Variants in OTULIN observed in about 807,000 individuals in gnomAD.
The protein encoded by OTULIN is ubiquitin thioesterase otulin.
OTULIN carries 15 observed loss-of-function variants against 39.6 expected under a neutral mutation model. That is an observed-to-expected ratio of 0.38 (90% CI 0.25 to 0.58). OTULIN has a LOEUF of 0.58. OTULIN is among the 20% of genes least tolerant of loss of function. The probability of loss-of-function intolerance (pLI) is 0.66; values close to 1 mark genes in which losing one functional copy is unlikely to be tolerated. For missense variants in OTULIN, 319 were observed against 445.9 expected (o/e 0.72, Z 2.56); for synonymous variants, 156 against 170.3 (o/e 0.92, Z 0.65).
chr5:14,681,423 TC>T, intron 3 of OTULIN, 40 bp from the exon 4 acceptor site: 1 of 1,564,742 alleles, frequency 6.4e-7, no homozygotes, highest in Non-Finnish European at 8.7e-7. Context: ...CTATCTCAAG[TC>T]AGTAACGACC....
intron 1 of OTULIN, among the ~76,000 whole-genome samples, chr5:14,666,626 C>G (rs1220377975): frequency 6.6e-6 from 1 of 152,126 alleles, no homozygotes; most frequent in African/African-American, 2.4e-5. Flanking sequence ...CAGTAGATGT[C>G]CCGGTTTGTG....
chr5:14,681,732 C>A, intron 4 of OTULIN, 125 bp downstream of exon 4: 1 of 1,147,110 alleles, frequency 8.7e-7, no homozygotes, highest in Non-Finnish European at 1.2e-6. Flanking sequence ...TGCGTTTATT[C>A]AGTTTTGTGT....
chr5:14,713,479 A>T, the OTULIN span: 1 of 1,601,036 alleles, frequency 6.2e-7, no homozygotes, highest in East Asian at 2.3e-5. This position sits in a 1 kb window ranked among gnomAD's most constrained non-coding sequence, Gnocchi z 4.4. Flanking sequence ...TGTAGCTGTT[A>T]AACCTCTGGA....
intron 3 of OTULIN, among the ~76,000 whole-genome samples, chr5:14,679,177 C>A (rs772212370): frequency 4.6e-5 from 7 of 152,160 alleles, no homozygotes; most frequent in Non-Finnish European, 1.0e-4. Flanking sequence ...TACACACCCT[C>A]TGGTCCTGGG....
chr5:14,671,367 C>G (rs1735974109), intron 1 of OTULIN, among the ~76,000 whole-genome samples: 2 of 152,196 alleles, frequency 1.3e-5, no homozygotes, highest in Admixed American at 6.5e-5. Context: ...CCAGTCTTCT[C>G]ATTTTGAAGA....
the OTULIN span, chr5:14,709,956 CTA>C: frequency 6.6e-6 from 1 of 152,164 alleles, no homozygotes. Context: ...GGAATTCTGA[CTA>C]AATCAATTTA....
At position 14,695,349 on chromosome 5, in the gene OTULIN, G is replaced by T. The variant is rs866660827; in HGVS notation, c.*2301G>T. 2 of 152,190 alleles carry T rather than the reference G, an allele frequency of 1.3e-5. No homozygotes were observed. The highest frequency in any genetic ancestry group is 2.9e-5 in the Non-Finnish European group (2 of 68,026). 9.4% of individuals were successfully genotyped at this position (152,190 alleles called of 1,614,324 possible). A position where few individuals can be genotyped will look rare whatever the true frequency, so the allele number is the denominator to read the frequency against. ...TCATTCTTGGTCTTGAGCTGGTCAGGTGACATCAGCAGATTAGAAGTTGAA... is the reference window on the plus strand; with the variant it reads ...TCATTCTTGGTCTTGAGCTGGTCAGTTGACATCAGCAGATTAGAAGTTGAA... On this transcript the variant is annotated 3_prime_UTR_variant, in exon 7 of 7. Coordinates refer to ENST00000284274, the MANE Select transcript of OTULIN (RefSeq NM_138348.6).
At chr5:14,681,634 C>T in intron 4 of OTULIN, 27 bp downstream of exon 4, 1 of 1,586,094 alleles carries the variant, frequency 6.3e-7, no homozygotes, top group South Asian at 1.1e-5. Context: ...GGTTTGAGTC[C>T]AAAATGTTTC....
chr5:14,678,082 T>C (rs1249183900), intron 2 of OTULIN, among the ~76,000 whole-genome samples: 1 of 152,088 alleles, frequency 6.6e-6, no homozygotes, highest in Non-Finnish European at 1.5e-5. Flanking sequence ...CAGAAAAATA[T>C]TTCAGGTGTT....
chr5:14,691,835 CAT>C (rs1736535924), intron 6 of OTULIN, among the ~76,000 whole-genome samples: 1 of 152,200 alleles, frequency 6.6e-6, no homozygotes. Context: ...TGAATGGAAT[CAT>C]ATAATATGTG....
intron 3 of OTULIN, 86 bp downstream of exon 3, chr5:14,678,861 T>C: frequency 1.1e-6 from 1 of 869,756 alleles, no homozygotes; most frequent in East Asian, 2.7e-5. Flanking sequence ...TTTTAGACAT[T>C]AGTTAAAATG....
intron 4 of OTULIN, among the ~76,000 whole-genome samples, chr5:14,683,360 T>A (rs1170916684): frequency 6.6e-6 from 1 of 152,246 alleles, no homozygotes; most frequent in East Asian, 1.9e-4. Context: ...ATTTCTTTCA[T>A]ATAGAGGCAA....
At chr5:14,670,883 G>T (rs920835127) in intron 1 of OTULIN, among the ~76,000 whole-genome samples, 1 of 151,908 alleles carries the variant, frequency 6.6e-6, no homozygotes, top group East Asian at 1.9e-4. Context: ...AGTAAAGGCT[G>T]TGTTACATTT....
At chr5:14,709,953 T>G in the OTULIN span, 1 of 152,402 alleles carries the variant, frequency 6.6e-6, no homozygotes, top group South Asian at 2.1e-4. Flanking sequence ...CTAGGAATTC[T>G]GACTAAATCA....
chr5:14,699,926 G>A (rs10065032), downstream of OTULIN, among the ~76,000 whole-genome samples: 19,122 of 152,092 alleles, frequency 0.13, 1,586 homozygotes, highest in African/African-American at 0.24. Context: ...TGCTTGAGAC[G>A]TCTTAACAAG....
chr5:14,665,210 T>G (rs1312976293), intron 1 of OTULIN, among the ~76,000 whole-genome samples: 1 of 152,246 alleles, frequency 6.6e-6, no homozygotes, highest in Non-Finnish European at 1.5e-5. Context: ...TCTCGTCTCA[T>G]TTTTGATATC....
the OTULIN span, chr5:14,710,912 C>A: frequency 7.2e-6 from 3 of 417,180 alleles, no homozygotes; most frequent in Non-Finnish European, 1.4e-5. Flanking sequence ...ACAACGTCAA[C>A]CGTGAGGCAG....
At chr5:14,704,105 G>A (rs1235325965), downstream of OTULIN, among the ~76,000 whole-genome samples, 2 of 152,072 alleles carry the variant, frequency 1.3e-5, no homozygotes, top group Non-Finnish European at 2.9e-5. Context: ...GCAGAGGTTG[G>A]CAGATCACAA....
chr5:14,679,270 T>C (rs1190309576), intron 3 of OTULIN, among the ~76,000 whole-genome samples: 1 of 152,264 alleles, frequency 6.6e-6, no homozygotes, highest in African/African-American at 2.4e-5. Flanking sequence ...TGGGATGACA[T>C]TGGAGATTCA....
Sources: gnomAD v4.1 joint callset for allele counts (sites outside exome capture counted in the v4.1 genomes callset) on GRCh38, gnomAD v4.1.1 for gene constraint, Gnocchi (gnomAD v3.1) non-coding constraint, MANE v1.5 for transcripts, NCBI Gene and HGNC (gene_info 2026-07-23, HGNC 2026-07-21) for gene names.